DPP6: variants seen among roughly 807,000 people sequenced by gnomAD.
The protein encoded by DPP6 is A-type potassium channel modulatory protein DPP6.
Under a neutral mutation model 122.6 loss-of-function variants are expected in DPP6, and 69 were observed. The observed-to-expected ratio is 0.56, with a 90% CI of 0.46 to 0.69. DPP6 has a LOEUF of 0.69. Ranked by LOEUF, DPP6 falls within the 30% of genes least tolerant of loss-of-function variation. The pLI, the probability that DPP6 is intolerant of heterozygous loss-of-function variation, is 0.00. For synonymous variants in DPP6, 418 were observed against 433.1 expected (o/e 0.97, Z 0.43); for missense variants, 928 against 1,116.9 (o/e 0.83, Z 2.41).
intron 1 of DPP6, among the ~76,000 whole-genome samples, chr7:154,155,033 A>G (rs1796612711): frequency 2.6e-5 from 4 of 152,050 alleles, no homozygotes; most frequent in African/African-American, 4.8e-5. Flanking sequence ...GGTATTTACA[A>G]TCCCTCGATC....
chr7:154,006,779 C>A (rs1318797773), intron 1 of DPP6, among the ~76,000 whole-genome samples: 1 of 152,200 alleles, frequency 6.6e-6, no homozygotes, highest in Non-Finnish European at 1.5e-5. Context: ...CGCAGGAAGC[C>A]CTCGATAACT....
At chr7:154,364,614 C>T (rs1301746750) in intron 1 of DPP6, among the ~76,000 whole-genome samples, 7 of 152,168 alleles carry the variant, frequency 4.6e-5, no homozygotes, top group East Asian at 1.9e-4. Context: ...TGAGCTTAGT[C>T]GCAGTACCTT....
At chr7:154,056,734 C>G (rs1800850437) in intron 1 of DPP6, among the ~76,000 whole-genome samples, 1 of 152,228 alleles carries the variant, frequency 6.6e-6, no homozygotes, top group Admixed American at 6.5e-5. Context: ...CGGCAACCAA[C>G]CCATTTTTTT....
chr7:153,919,340 C>T lies in DPP6; in HGVS notation c.51+31606C>T, dbSNP rs1007405153. Among the ~76,000 whole-genome samples, 3 of 152,162 alleles carry T rather than the reference C, an allele frequency of 2.0e-5. 1 individual carries two copies. The highest frequency in any genetic ancestry group is 4.1e-4 in the South Asian group (2 of 4,830). On this transcript the variant is annotated intron_variant, in intron 1 of 25. Coordinates refer to the DPP6 transcript ENST00000404039. ...CCTCCTGGGGCACCAGTGCATTCAT[C>T]GTCCGAATGCCTGGCTGGGGACAAG...
At chr7:154,322,608 G>A (rs1434408994) in intron 1 of DPP6, among the ~76,000 whole-genome samples, 8 of 152,140 alleles carry the variant, frequency 5.3e-5, no homozygotes, top group African/African-American at 1.2e-4. Context: ...TTTCAGTGGC[G>A]GGGGAAATAA....
At chr7:154,813,702 C>A (rs1799222644) in intron 16 of DPP6, among the ~76,000 whole-genome samples, 1 of 151,952 alleles carries the variant, frequency 6.6e-6, no homozygotes, top group South Asian at 2.1e-4. Context: ...GAAGTGAAGC[C>A]AGCTATATTC....
At chr7:153,752,148 A>G in the DPP6 span, among the ~76,000 whole-genome samples, 2 of 152,144 alleles carry the variant, frequency 1.3e-5, no homozygotes, top group African/African-American at 4.8e-5. Flanking sequence ...ATGAGGCATT[A>G]CTTTACCTTT....
intron 8 of DPP6, among the ~76,000 whole-genome samples, chr7:154,749,942 C>T (rs937496131): frequency 1.5e-5 from 2 of 129,352 alleles, no homozygotes; most frequent in Non-Finnish European, 3.3e-5. Context: ...GGTGAGAGAG[C>T]ATAGGACGGG....
chr7:153,907,807 G>A (rs1009985508), intron 1 of DPP6, among the ~76,000 whole-genome samples: 2 of 152,202 alleles, frequency 1.3e-5, no homozygotes, highest in East Asian at 1.9e-4. Context: ...AATCACATGA[G>A]CTCATTCCTT....
the DPP6 span, among the ~76,000 whole-genome samples, chr7:153,855,172 G>A: frequency 6.7e-6 from 1 of 149,374 alleles, no homozygotes; most frequent in Non-Finnish European, 1.5e-5. Flanking sequence ...GCACCAGCAT[G>A]GCACATGTAT....
At chr7:153,815,249 A>T in the DPP6 span, among the ~76,000 whole-genome samples, 4 of 152,044 alleles carry the variant, frequency 2.6e-5, no homozygotes, top group South Asian at 2.1e-4. Flanking sequence ...CTGATAAGCA[A>T]CTTCAGCAAA....
At chr7:154,511,022 C>T (rs1362226735) in intron 3 of DPP6, among the ~76,000 whole-genome samples, 1 of 151,664 alleles carries the variant, frequency 6.6e-6, no homozygotes, top group East Asian at 1.9e-4. Flanking sequence ...AGGAGGTATG[C>T]AGGATAACCA....
intron 1 of DPP6, among the ~76,000 whole-genome samples, chr7:154,042,566 C>T (rs1475981874): frequency 2.0e-5 from 3 of 152,170 alleles, no homozygotes; most frequent in Non-Finnish European, 4.4e-5. Flanking sequence ...CACTGTAGAA[C>T]TCTTCCGTCA....
chr7:153,820,367 ATAG>A, the DPP6 span, among the ~76,000 whole-genome samples: 1 of 152,232 alleles, frequency 6.6e-6, no homozygotes, highest in Non-Finnish European at 1.5e-5. Flanking sequence ...TTTTAAGAAA[ATAG>A]TAGTTTCTTT....
the DPP6 span, among the ~76,000 whole-genome samples, chr7:153,826,599 C>A: frequency 2.0e-5 from 3 of 152,178 alleles, no homozygotes; most frequent in African/African-American, 7.2e-5. Context: ...GCTAATATCC[C>A]CCACCTGCTA....
At chr7:154,669,963 G>A (rs1838453013) in intron 7 of DPP6, among the ~76,000 whole-genome samples, 2 of 152,056 alleles carry the variant, frequency 1.3e-5, no homozygotes, top group South Asian at 2.1e-4. Flanking sequence ...GTGTTCAAGC[G>A]ATTCTCCTGC....
chr7:153,898,691 G>A (rs1799513435), intron 1 of DPP6, among the ~76,000 whole-genome samples: 2 of 152,188 alleles, frequency 1.3e-5, no homozygotes. Context: ...GGAGGAAAAT[G>A]GCCGTCTTCA....
At chr7:154,188,805 C>T (rs1158809612) in intron 1 of DPP6, among the ~76,000 whole-genome samples, 2 of 152,112 alleles carry the variant, frequency 1.3e-5, no homozygotes, top group African/African-American at 4.8e-5. Context: ...TTACATATTT[C>T]GATAAAAGAA....
rs34749902 is a variant in DPP6, at chr7:154,446,472, T to C, written c.358+144T>C. ...TCTCACTATGCCATATGATATAATA[T>C]GGTTTCAATTTTAAAAATTCATTTT... is the stretch of plus-strand genomic sequence containing the variant. On this transcript the variant is annotated intron_variant, in intron 2 of 25. Coordinates refer to ENST00000377770, the MANE Select transcript of DPP6 (RefSeq NM_130797.4). 0.047 allele frequency: 23,583 copies of C among 502,048 alleles called. 773 individuals are homozygous for C. Among genetic ancestry groups the C allele is most frequent in the Middle Eastern group, 0.061 (163 of 2,682 alleles). The allele number at this position is 502,048 out of a possible 1,614,324, so 31.1% of individuals were successfully genotyped here. A position where few individuals can be genotyped will look rare whatever the true frequency, so the allele number is the denominator to read the frequency against.
Sources: gnomAD v4.1 joint callset for allele counts (sites outside exome capture counted in the v4.1 genomes callset) on GRCh38, gnomAD v4.1.1 for gene constraint, MANE v1.5 for transcripts, NCBI Gene and HGNC (gene_info 2026-07-23, HGNC 2026-07-21) for gene names.